TNKS: variants seen among roughly 807,000 people sequenced by gnomAD.
The protein encoded by TNKS is tankyrase, also known as poly [ADP-ribose] polymerase tankyrase-1.
A neutral mutation model predicts 135.8 loss-of-function variants in TNKS; 72 were observed. That is an observed-to-expected ratio of 0.53 (90% CI 0.44 to 0.64). TNKS has a LOEUF of 0.64. TNKS is among the 30% of genes least tolerant of loss of function. The probability of loss-of-function intolerance (pLI) is 0.00; values close to 1 mark genes in which losing one functional copy is unlikely to be tolerated. For synonymous variants in TNKS, 849 were observed against 649.3 expected (o/e 1.31, Z -4.68); for missense variants, 1,769 against 1,674.0 (o/e 1.06, Z -0.99).
chr8:9,644,413 A>C (rs1409133886), intron 3 of TNKS, among the ~76,000 whole-genome samples: 1 of 152,136 alleles, frequency 6.6e-6, no homozygotes, highest in Non-Finnish European at 1.5e-5. Flanking sequence ...ATTATAGTTT[A>C]GTTATATTCA....
chr8:9,752,473 A>C (rs1216181856), intron 19 of TNKS, 71 bp from the exon 20 acceptor site: 1 of 1,178,610 alleles, frequency 8.5e-7, no homozygotes, highest in Non-Finnish European at 1.2e-6. Context: ...AGTCATGTCT[A>C]AATGGATACT....
chr8:9,730,882 C>T lies in TNKS; in HGVS notation c.2002-8C>T. On this transcript the variant is annotated splice_polypyrimidine_tract_variant and splice_region_variant and intron_variant, in intron 13 of 26. Coordinates refer to ENST00000310430, the MANE Select transcript of TNKS (RefSeq NM_003747.3). ...TTTGTGTTTGTCTTTGTGTGTGCAC[C>T]ACGAAAGCAACTTTGCAGCTCTCAA... is the stretch of plus-strand genomic sequence containing the variant. The T allele has an allele frequency of 6.2e-7, 1 of 1,609,892 alleles. No individual in the cohort carries two copies. Among genetic ancestry groups the T allele is most frequent in the Non-Finnish European group, 8.5e-7 (1 of 1,177,850 alleles).
intron 3 of TNKS, among the ~76,000 whole-genome samples, chr8:9,632,724 C>T (rs1335858164): frequency 6.6e-6 from 1 of 152,058 alleles, no homozygotes; most frequent in African/African-American, 2.4e-5. Flanking sequence ...GATGTTACTA[C>T]TCTATATTGT....
At chr8:9,586,182 A>G (rs1173705585) in intron 2 of TNKS, among the ~76,000 whole-genome samples, 1 of 152,176 alleles carries the variant, frequency 6.6e-6, no homozygotes, top group East Asian at 1.9e-4. Context: ...AGATACTTTT[A>G]TATTTACTGA....
chr8:9,696,712 A>G (rs1326003615), intron 5 of TNKS, among the ~76,000 whole-genome samples: 1 of 152,182 alleles, frequency 6.6e-6, no homozygotes. Flanking sequence ...AGCCACAAAT[A>G]AAATGAAATA....
At chr8:9,742,818 C>A (rs1044213400) in intron 17 of TNKS, among the ~76,000 whole-genome samples, 2 of 149,242 alleles carry the variant, frequency 1.3e-5, no homozygotes, top group Admixed American at 1.3e-4. Context: ...ACATGTATAT[C>A]CTTATATTTA....
At chr8:9,631,371 T>TA (rs1800281695) in intron 3 of TNKS, among the ~76,000 whole-genome samples, 1 of 152,322 alleles carries the variant, frequency 6.6e-6, no homozygotes, top group Non-Finnish European at 1.5e-5. Flanking sequence ...TCCATTGAGT[T>TA]ATGATTTTTG....
In TNKS at chr8:9,778,717, G is replaced by C. The variant is rs116235840; in HGVS notation, c.*1981G>C. On this transcript the variant is annotated 3_prime_UTR_variant, in exon 27 of 27. Transcript: ENST00000310430. ...TTCCTTCTCTTTTGCTGTAACAAAGGGTTGAAGAAATTGCCATCTGTGTAG... is the reference window on the plus strand; with the variant it reads ...TTCCTTCTCTTTTGCTGTAACAAAGCGTTGAAGAAATTGCCATCTGTGTAG... 1 of 152,482 alleles carries C rather than the reference G, an allele frequency of 6.6e-6. No individual in the cohort carries two copies. Among genetic ancestry groups the C allele is most frequent in the Admixed American group, 6.5e-5 (1 of 15,274 alleles). 9.4% of individuals were successfully genotyped at this position (152,482 alleles called of 1,614,324 possible). A position where few individuals can be genotyped will look rare whatever the true frequency, so the allele number is the denominator to read the frequency against.
intron 2 of TNKS, among the ~76,000 whole-genome samples, chr8:9,610,310 C>T (rs1004674138): frequency 1.0e-4 from 15 of 148,132 alleles, no homozygotes; most frequent in Admixed American, 8.0e-4. Context: ...TATATATATA[C>T]TGTATTATTA....
chr8:9,717,103 T>A (rs4501580), intron 11 of TNKS, among the ~76,000 whole-genome samples: 549 of 39,050 alleles, frequency 0.014, 3 homozygotes, highest in South Asian at 0.029. Flanking sequence ...ATATATATAT[T>A]TTCAGGGAAT....
chr8:9,569,558 T>C (rs1461415556), intron 1 of TNKS, among the ~76,000 whole-genome samples: 2 of 152,252 alleles, frequency 1.3e-5, no homozygotes, highest in Non-Finnish European at 2.9e-5. Context: ...TGTGGGAATA[T>C]ACCACTACTT....
At position 9,729,977 on chromosome 8, in the gene TNKS, A is replaced by G. The variant is rs192287179; in HGVS notation, c.2002-913A>G. Among the ~76,000 whole-genome samples the G allele has an allele frequency of 5.9e-5, 9 of 152,032 alleles. No homozygotes were observed. The East Asian group carries it at 7.8e-4, about 13-fold the overall frequency. ...TTTTTAGTAGAGATGAGGTTTCACT[A>G]TGTTGGCCAGGATGGTCTCGATCTC... On this transcript the variant is annotated intron_variant, in intron 13 of 26. Coordinates refer to ENST00000310430, the MANE Select transcript of TNKS (RefSeq NM_003747.3).
intron 3 of TNKS, among the ~76,000 whole-genome samples, chr8:9,674,031 T>C (rs1802425404): frequency 6.6e-6 from 1 of 152,226 alleles, no homozygotes; most frequent in African/African-American, 2.4e-5. Flanking sequence ...TAAAATTGTT[T>C]AACTGCTTAC....
At chr8:9,641,768 C>G (rs888561970) in intron 3 of TNKS, among the ~76,000 whole-genome samples, 1 of 145,120 alleles carries the variant, frequency 6.9e-6, no homozygotes, top group Non-Finnish European at 1.5e-5. Flanking sequence ...ATATTATGTG[C>G]GTTTTGTAAA....
chr8:9,736,442 G>GA (rs1392395350), intron 17 of TNKS, among the ~76,000 whole-genome samples: 7 of 151,972 alleles, frequency 4.6e-5, no homozygotes, highest in African/African-American at 1.7e-4. Context: ...ACCTCCAGGT[G>GA]AAAGTCCAGA....
In TNKS at chr8:9,761,998, A is replaced by G. The variant is rs558437159; in HGVS notation, c.3274+362A>G. Among the ~76,000 whole-genome samples the G allele has an allele frequency of 2.0e-5, 3 of 152,334 alleles. No individual in the cohort carries two copies. The East Asian group carries it at 5.8e-4, about 29-fold the overall frequency. On this transcript the variant is annotated intron_variant, in intron 21 of 26. Transcript: ENST00000310430. ...GCTTCCTTCCAGTACCTTCTCTACA[A>G]TGTGAACACAATCTTTTCAAAATGA...
chr8:9,578,756 C>T (rs941926356), intron 1 of TNKS, among the ~76,000 whole-genome samples: 2 of 152,020 alleles, frequency 1.3e-5, no homozygotes, highest in African/African-American at 2.4e-5. Flanking sequence ...CATTTTGTAA[C>T]AGTATTACAC....
intron 2 of TNKS, among the ~76,000 whole-genome samples, chr8:9,614,575 C>T (rs1187061471): frequency 6.6e-6 from 1 of 152,096 alleles, no homozygotes. Flanking sequence ...GTATTACCTT[C>T]CAAATATTGC....
At chr8:9,768,671 G>A (rs1369384556) in intron 25 of TNKS, among the ~76,000 whole-genome samples, 1 of 152,238 alleles carries the variant, frequency 6.6e-6, no homozygotes, top group East Asian at 1.9e-4. Flanking sequence ...GAAGACCAGG[G>A]CCTGTCAAGT....
Sources: allele counts gnomAD v4.1 joint callset (sites outside exome capture counted in the v4.1 genomes callset), GRCh38; gene constraint gnomAD v4.1.1; transcripts MANE v1.5; gene names NCBI Gene and HGNC (gene_info 2026-07-23, HGNC 2026-07-21).